Variants in FRMPD4 observed in about 807,000 individuals in gnomAD.
FRMPD4 encodes FERM and PDZ domain containing 4.
A neutral mutation model predicts 94.1 loss-of-function variants in FRMPD4; 22 were observed. The ratio of observed to expected loss-of-function variants is 0.23; its 90% CI spans 0.17 to 0.33. FRMPD4 has a LOEUF of 0.33. FRMPD4 is among the 10% of genes least tolerant of loss of function. The pLI is 1.00. For synonymous variants in FRMPD4, 631 were observed against 548.6 expected, an observed-to-expected ratio of 1.15 and a Z score of -2.10; for missense variants, 1,111 against 1,339.9, an observed-to-expected ratio of 0.83 and a Z score of 2.67.
intron 2 of FRMPD4, among the ~76,000 whole-genome samples, chrX:12,558,483 G>C (rs1277131406): frequency 8.9e-6 from 1 of 112,857 alleles, no homozygotes; most frequent in East Asian, 2.8e-4. Context: ...AGGTTACAAT[G>C]AAAACCAGGC....
chrX:12,129,987 A>G (rs1312940189), intron 3 of FRMPD4, among the ~76,000 whole-genome samples: 1 of 111,249 alleles, frequency 9.0e-6, no homozygotes, highest in Non-Finnish European at 1.9e-5. Flanking sequence ...CAATAATTTT[A>G]TGCCATCCTC....
chrX:11,840,823 C>T (rs1173618931), intron 1 of FRMPD4, among the ~76,000 whole-genome samples: 1 of 106,131 alleles, frequency 9.4e-6, no homozygotes, highest in African/African-American at 3.5e-5. Flanking sequence ...ATACATGTGC[C>T]TTGCTGGTGT....
At chrX:11,870,164 G>T (rs947046043) in intron 2 of FRMPD4, among the ~76,000 whole-genome samples, 2 of 111,965 alleles carry the variant, frequency 1.8e-5, no homozygotes, top group Admixed American at 9.5e-5. Context: ...TCAGGAGCTA[G>T]ATCTGTTTTA....
intron 3 of FRMPD4, among the ~76,000 whole-genome samples, chrX:11,942,480 T>C (rs1435264598): frequency 9.0e-6 from 1 of 111,540 alleles, no homozygotes; most frequent in Non-Finnish European, 1.9e-5. Flanking sequence ...CAAGGAGAAC[T>C]CTAGTTGTAG....
intron 3 of FRMPD4, among the ~76,000 whole-genome samples, chrX:12,001,486 G>T (rs1055777103): frequency 8.9e-6 from 1 of 112,032 alleles, no homozygotes. Context: ...CTATACAAAT[G>T]ACCATATGTT....
At chrX:12,044,507 G>A (rs1824304752) in intron 3 of FRMPD4, among the ~76,000 whole-genome samples, 1 of 112,155 alleles carries the variant, frequency 8.9e-6, no homozygotes, top group Admixed American at 9.5e-5. Context: ...GGGAGGATGT[G>A]CAAAGGGTCA....
intron 9 of FRMPD4, among the ~76,000 whole-genome samples, chrX:12,699,511 C>T (rs932930343): frequency 3.6e-5 from 4 of 112,478 alleles, no homozygotes; most frequent in African/African-American, 6.5e-5. Flanking sequence ...GGCACAGCAC[C>T]GGTGCAGCAT....
intron 1 of FRMPD4, among the ~76,000 whole-genome samples, chrX:12,347,526 A>G (rs1249791636): frequency 4.5e-5 from 5 of 111,939 alleles, no homozygotes; most frequent in African/African-American, 1.6e-4. Flanking sequence ...GTGAGCCACA[A>G]TGCCTGACCT....
chrX:12,070,947 G>T (rs1024633221), intron 3 of FRMPD4, among the ~76,000 whole-genome samples: 2 of 112,094 alleles, frequency 1.8e-5, no homozygotes, highest in Non-Finnish European at 3.8e-5. Context: ...TCTTTCAGGG[G>T]AGTGTGCCCT....
intron 1 of FRMPD4, among the ~76,000 whole-genome samples, chrX:12,230,391 A>G (rs1218088085): frequency 9.0e-6 from 1 of 111,631 alleles, no homozygotes; most frequent in Non-Finnish European, 1.9e-5. Flanking sequence ...GACCAAATTG[A>G]TAGAGACTGC....
At chrX:12,387,234 A>G (rs1326259659) in intron 1 of FRMPD4, among the ~76,000 whole-genome samples, 1 of 112,199 alleles carries the variant, frequency 8.9e-6, no homozygotes, top group African/African-American at 3.2e-5. Context: ...ACCTTCATAA[A>G]TATTTTTCAC....
rs1289401837 is a variant in FRMPD4, at chrX:11,983,004, G to A, written c.95+104986G>A. On this transcript the variant is annotated intron_variant, in intron 3 of 18. Coordinates refer to the FRMPD4 transcript ENST00000640291. ...TATTTGCTGTCATTCTTTTAGGTCT[G>A]GATTAAGATTTAGTTTCTGCAGAAA... Among the ~76,000 whole-genome samples, 9 of 111,268 alleles carry A rather than the reference G, an allele frequency of 8.1e-5. No individual in the cohort carries two copies. In the Admixed American group the frequency reaches 8.6e-4, roughly 11 times the overall value.
chrX:12,669,101 C>T (rs1019072434), intron 4 of FRMPD4, among the ~76,000 whole-genome samples: 4 of 111,522 alleles, frequency 3.6e-5, no homozygotes, highest in Non-Finnish European at 7.5e-5. Context: ...ACGGGATGTC[C>T]ATCCATCATT....
intron 1 of FRMPD4, among the ~76,000 whole-genome samples, chrX:12,280,935 A>G (rs1196087699): frequency 1.8e-5 from 2 of 112,073 alleles, no homozygotes; most frequent in Middle Eastern, 4.6e-3. Context: ...TCCCAGAGTC[A>G]TACAAGGTCC....
At chrX:12,094,032 C>A (rs1233862181) in intron 3 of FRMPD4, among the ~76,000 whole-genome samples, 9 of 112,266 alleles carry the variant, frequency 8.0e-5, no homozygotes, top group Non-Finnish European at 1.3e-4. Flanking sequence ...AAGACTAATT[C>A]TTTGGCTTTC....
intron 1 of FRMPD4, among the ~76,000 whole-genome samples, chrX:12,252,207 C>T (rs1254673303): frequency 9.0e-6 from 1 of 111,007 alleles, no homozygotes; most frequent in East Asian, 2.8e-4. Context: ...TTGTTGTGGT[C>T]TGTGATGAGG....
At chrX:12,683,316 G>A (rs977563881) in intron 5 of FRMPD4, among the ~76,000 whole-genome samples, 167 bp from the exon 6 acceptor site, 3 of 112,164 alleles carry the variant, frequency 2.7e-5, no homozygotes, top group African/African-American at 9.7e-5. Context: ...TTATAGACAT[G>A]ACAGTGTTTT....
intron 1 of FRMPD4, among the ~76,000 whole-genome samples, chrX:12,330,195 C>G (rs2055350347): frequency 9.0e-6 from 1 of 111,075 alleles, no homozygotes; most frequent in African/African-American, 3.3e-5. Context: ...AACCATGTGA[C>G]TTTGGACACA....
At chrX:12,455,343 C>A (rs1477536618) in intron 1 of FRMPD4, among the ~76,000 whole-genome samples, 1 of 111,467 alleles carries the variant, frequency 9.0e-6, no homozygotes. Context: ...ACTGGAAATA[C>A]AAGGTTTTGC....
Sources: gnomAD v4.1 joint callset for allele counts (sites outside exome capture counted in the v4.1 genomes callset) on GRCh38, gnomAD v4.1.1 for gene constraint, MANE v1.5 for transcripts, NCBI Gene and HGNC (gene_info 2026-07-23, HGNC 2026-07-21) for gene names.